FILIP1: variants seen among roughly 807,000 people sequenced by gnomAD.
FILIP1 encodes the protein filamin A interacting protein 1, also known as filamin-A-interacting protein 1.
In FILIP1, 61 loss-of-function variants were observed where a neutral mutation model predicts 102.1. The ratio of observed to expected loss-of-function variants is 0.60; its 90% CI spans 0.49 to 0.74. The LOEUF is 0.74. Ranked by LOEUF, FILIP1 falls within the 30% of genes least tolerant of loss-of-function variation. The pLI, the probability that FILIP1 is intolerant of heterozygous loss-of-function variation, is 0.00. For synonymous variants in FILIP1, 491 were observed against 526.9 expected (o/e 0.93, Z 0.93); for missense variants, 1,314 against 1,441.2 (o/e 0.91, Z 1.43).
chr6:75,410,839 G>A (rs542371353), intron 2 of FILIP1, among the ~76,000 whole-genome samples: 1 of 152,178 alleles, frequency 6.6e-6, no homozygotes, highest in Non-Finnish European at 1.5e-5. Flanking sequence ...TATTTTTGTT[G>A]GTTCCATTTT....
chr6:75,457,002 G>A (rs1182124708), intron 1 of FILIP1, among the ~76,000 whole-genome samples: 1 of 151,946 alleles, frequency 6.6e-6, no homozygotes, highest in African/African-American at 2.4e-5. Flanking sequence ...CATACCTATG[G>A]AAAGCACTGA....
At chr6:75,311,927 TCTC>T (rs79592081) in intron 5 of FILIP1, among the ~76,000 whole-genome samples, 18,095 of 152,286 alleles carry the variant, frequency 0.12, 1,508 homozygotes, top group Non-Finnish European at 0.19. Flanking sequence ...ATTAAAATCT[TCTC>T]ATCTTATTTT....
intron 3 of FILIP1, chr6:75,358,686 T>C (rs2149608126): frequency 6.6e-6 from 1 of 151,496 alleles, no homozygotes. Context: ...GTAGACGGAA[T>C]TGCCAATATT....
At chr6:75,310,815 C>T (rs1368774374) in intron 5 of FILIP1, among the ~76,000 whole-genome samples, 2 of 152,196 alleles carry the variant, frequency 1.3e-5, no homozygotes, top group African/African-American at 4.8e-5. Context: ...GTGAATAATT[C>T]TGAATGCTAT....
At chr6:75,347,665 A>T (rs962372311) in intron 4 of FILIP1, among the ~76,000 whole-genome samples, 1 of 144,868 alleles carries the variant, frequency 6.9e-6, no homozygotes, top group East Asian at 2.0e-4. Context: ...ATATTTCCAA[A>T]GATCCCAGTC....
Position 75,383,879 on chromosome 6 carries a change from A to C in FILIP1, c.277-20962T>G, listed in dbSNP as rs190839877. 4.6e-5 allele frequency among the ~76,000 whole-genome samples: 7 copies of C among 152,326 alleles called. No homozygotes were observed. In the East Asian group the frequency reaches 1.3e-3, roughly 29 times the overall value. Reference sequence around the variant, plus strand: ...GTCAGAATGCGAAATCAGGCAACCTAACTTCAGAGCTGGCAATCTTAATAT... The same window carrying C: ...GTCAGAATGCGAAATCAGGCAACCTCACTTCAGAGCTGGCAATCTTAATAT... On this transcript the variant is annotated intron_variant, in intron 2 of 5. Coordinates refer to ENST00000237172, the MANE Select transcript of FILIP1 (RefSeq NM_015687.5).
exon 7 of FILIP1, chr6:75,294,892 T>TTTTTTTA (rs1380945700): frequency 7.2e-6 from 1 of 138,586 alleles, no homozygotes. Flanking sequence ...TTTTTTTTTT[T>TTTTTTTA]AAGACTCTCA....
chr6:75,465,572 A>T (rs377662356), intron 1 of FILIP1: 1 of 43,612 alleles, frequency 2.3e-5, no homozygotes, highest in Non-Finnish European at 4.9e-5. Context: ...CACAGCAATT[A>T]AAAAAAAAAA....
intron 4 of FILIP1, among the ~76,000 whole-genome samples, chr6:75,318,312 C>T (rs1365474658): frequency 1.3e-5 from 2 of 150,172 alleles, no homozygotes; most frequent in African/African-American, 2.5e-5. Context: ...TATAGTTCAC[C>T]GCAGCCTCAA....
intron 4 of FILIP1, among the ~76,000 whole-genome samples, chr6:75,344,635 G>T (rs1288954459): frequency 2.0e-5 from 3 of 152,178 alleles, no homozygotes; most frequent in Non-Finnish European, 2.9e-5. Context: ...ACTTGCACTG[G>T]AGACCTCTGT....
intron 5 of FILIP1, 29 bp downstream of exon 5, chr6:75,312,368 G>T: frequency 6.3e-7 from 1 of 1,594,640 alleles, no homozygotes; most frequent in Non-Finnish European, 8.6e-7. Context: ...CCCTCTGCAG[G>T]CCTGCGCTTT....
Position 75,313,459 on chromosome 6 carries a change from A to T in FILIP1, c.2373T>A (p.Asn791Lys), listed in dbSNP as rs1285194303. 6.2e-7 allele frequency: 1 copy of T among 1,614,182 alleles called. No individual in the cohort carries two copies. The highest frequency in any genetic ancestry group is 1.7e-5 in the Admixed American group (1 of 60,024). The change falls in exon 5 of 6, where the codon AAT (asparagine) becomes AAA (lysine). Residue 791 changes from asparagine (N) to lysine (K), a missense_variant. Around this residue, in one of 3 missense-constraint regions of FILIP1, gnomAD observed 816 missense variants for 913.1 expected, o/e 0.89. Transcript: ENST00000237172. The surrounding 1 kb of genome is among the most constrained non-coding windows in gnomAD (Gnocchi z 4.2). ...RYSRALRPSVNGRRMVDVPVT... is the reference protein window; with the variant it reads ...RYSRALRPSVKGRRMVDVPVT... ...CAGGAACATCCACCATTCTTCTTCCATTCACACTGGGCCTAAGAGCTCTGC... is the reference window on the plus strand; with the variant it reads ...CAGGAACATCCACCATTCTTCTTCCTTTCACACTGGGCCTAAGAGCTCTGC...
At chr6:75,381,852 G>GA (rs1026426594) in intron 2 of FILIP1, among the ~76,000 whole-genome samples, 4 of 152,074 alleles carry the variant, frequency 2.6e-5, no homozygotes, top group African/African-American at 9.7e-5. Flanking sequence ...TTCTATAGAT[G>GA]AAAAAATAAA....
Position 75,485,411 on chromosome 6 carries a change from T to C in FILIP1, c.-7+8003A>G, listed in dbSNP as rs532895694. Among the ~76,000 whole-genome samples, 10 of 152,332 alleles carry C rather than the reference T, an allele frequency of 6.6e-5. No individual in the cohort carries two copies. In the South Asian group the frequency reaches 8.3e-4, roughly 13 times the overall value. The stretch of plus-strand genomic sequence containing the variant: ...TGCTAGTATAGTTGTGACAAGTTAC[T>C]GTTTCAATTTATTAGAATAGAATTT... On this transcript the variant is annotated intron_variant, in intron 1 of 5. Transcript: ENST00000237172.
chr6:75,300,431 C>T (rs565430717), intron 6 of FILIP1, among the ~76,000 whole-genome samples: 2 of 152,330 alleles, frequency 1.3e-5, no homozygotes, highest in East Asian at 3.9e-4. Flanking sequence ...CTCCCCCGAC[C>T]AAGTACCAAA....
At chr6:75,415,840 T>C (rs1199763071) in intron 1 of FILIP1, among the ~76,000 whole-genome samples, 3 of 152,142 alleles carry the variant, frequency 2.0e-5, no homozygotes, top group African/African-American at 7.2e-5. Context: ...ATTCAAGTCA[T>C]CCCATGAGGA....
rs114522376 is a variant in FILIP1 at position 75,400,835 on chromosome 6, A to G, written c.276+13862T>C. Among the ~76,000 whole-genome samples, 518 of 152,274 alleles carry G rather than the reference A, an allele frequency of 3.4e-3. 7 individuals carry two copies. The highest frequency in any genetic ancestry group is 0.01 in the African/African-American group (431 of 41,564). On this transcript the variant is annotated intron_variant, in intron 2 of 5. Transcript: ENST00000237172. ...TTACTTTTAGTGAAAGGGGAAGTAA[A>G]GAAAGTTGAGGCAATGAACAGAGTA... is the stretch of plus-strand genomic sequence containing the variant.
intron 4 of FILIP1, among the ~76,000 whole-genome samples, chr6:75,321,608 A>C (rs1053404046): frequency 1.3e-5 from 2 of 152,050 alleles, no homozygotes; most frequent in Admixed American, 6.5e-5. Context: ...TCCTGGCTAA[A>C]ACGGTGAAAC....
chr6:75,357,596 T>C (rs1259645835), intron 3 of FILIP1, among the ~76,000 whole-genome samples: 2 of 152,252 alleles, frequency 1.3e-5, no homozygotes, highest in Non-Finnish European at 2.9e-5. Context: ...CATTGGTGTA[T>C]GTAATGTGTT....
Sources: allele counts gnomAD v4.1 joint callset (sites outside exome capture counted in the v4.1 genomes callset), GRCh38; gene constraint gnomAD v4.1.1; regional missense constraint gnomAD v4.1.1; non-coding constraint Gnocchi (gnomAD v3.1); transcripts MANE v1.5; gene names NCBI Gene and HGNC (gene_info 2026-07-23, HGNC 2026-07-21).